APBA1: variants seen among roughly 807,000 people sequenced by gnomAD.
APBA1 encodes amyloid beta precursor protein binding family A member 1, also known as amyloid-beta A4 precursor protein-binding family A member 1.
APBA1 carries 55 observed loss-of-function variants against 86.6 expected under a neutral mutation model. The ratio of observed to expected loss-of-function variants is 0.64; its 90% CI spans 0.51 to 0.80. The LOEUF (loss-of-function observed/expected upper bound fraction) is 0.80, where lower values mean the gene tolerates loss of function less well. APBA1 is among the 30% of genes least tolerant of loss of function. The probability of loss-of-function intolerance (pLI) is 0.00; values close to 1 mark genes in which losing one functional copy is unlikely to be tolerated. For missense variants in APBA1, 1,090 were observed against 1,183.0 expected (o/e 0.92, Z 1.15); for synonymous variants, 511 against 493.9 (o/e 1.03, Z -0.46).
rs529983737 is a variant in APBA1, at chr9:69,497,263, G to C, written c.1200+18748C>G. 2.8e-4 allele frequency among the ~76,000 whole-genome samples: 42 copies of C among 152,168 alleles called. No individual in the cohort carries two copies. In the East Asian group the frequency reaches 6.2e-3, roughly 22 times the overall value. Reference sequence around the variant, plus strand: ...GGCGGTTGAGATGGAAGCATGAAGAGGAGGATCCACATGCCTCACCCAAGG... The same window carrying C: ...GGCGGTTGAGATGGAAGCATGAAGACGAGGATCCACATGCCTCACCCAAGG... On this transcript the variant is annotated intron_variant, in intron 2 of 12. Coordinates refer to ENST00000265381, the MANE Select transcript of APBA1 (RefSeq NM_001163.4).
intron 1 of APBA1, among the ~76,000 whole-genome samples, chr9:69,535,670 C>A (rs1266698464): frequency 6.6e-6 from 1 of 152,076 alleles, no homozygotes; most frequent in African/African-American, 2.4e-5. Flanking sequence ...CTTTTCTTAT[C>A]TTTTCTCTGT....
At chr9:69,434,578 G>A (rs541125998) in intron 11 of APBA1, among the ~76,000 whole-genome samples, 23 of 152,032 alleles carry the variant, frequency 1.5e-4, no homozygotes, top group Admixed American at 9.8e-4. Context: ...GTGGTGGCAC[G>A]TGCCTGTAGT....
At chr9:69,552,290 G>A (rs1836797216) in intron 1 of APBA1, among the ~76,000 whole-genome samples, 1 of 152,212 alleles carries the variant, frequency 6.6e-6, no homozygotes, top group Non-Finnish European at 1.5e-5. Context: ...CCTCCACCTT[G>A]CTTGATTCAT....
chr9:69,461,628 C>T (rs928004709), intron 5 of APBA1: 6 of 152,156 alleles, frequency 3.9e-5, no homozygotes, highest in African/African-American at 1.4e-4. Context: ...TTATGTTATC[C>T]TCATTTTTCA....
intron 1 of APBA1, among the ~76,000 whole-genome samples, chr9:69,646,942 C>CA (rs1823401322): frequency 6.6e-6 from 1 of 152,190 alleles, no homozygotes; most frequent in South Asian, 2.1e-4. Flanking sequence ...CACAGGGGAA[C>CA]GCAGGCTGCT....
chr9:69,572,841 A>C (rs931727174), intron 1 of APBA1, among the ~76,000 whole-genome samples: 1 of 152,238 alleles, frequency 6.6e-6, no homozygotes, highest in African/African-American at 2.4e-5. Context: ...GCTTTTTGCC[A>C]TGTTACTCAT....
At chr9:69,457,192 G>A in intron 6 of APBA1, 53 bp from the exon 7 acceptor site, 1 of 1,369,084 alleles carries the variant, frequency 7.3e-7, no homozygotes, top group Admixed American at 1.7e-5. Context: ...CCCTGACCCA[G>A]ATGCAGAAGG....
intron 2 of APBA1, among the ~76,000 whole-genome samples, chr9:69,498,853 A>C (rs1179712321): frequency 6.6e-6 from 1 of 152,150 alleles, no homozygotes; most frequent in Non-Finnish European, 1.5e-5. Flanking sequence ...TGAAACACAA[A>C]GGTATCAGCA....
Position 69,427,844 on chromosome 9 carries a change from ATACTT to A in APBA1, c.*3478_*3482del, listed in dbSNP as rs1401473888. ...ACGATATTGTTACAAATACAATACTATACTTCTCCCGACACTTTACAATAAGCTCT... is the reference window on the plus strand; with the variant it reads ...ACGATATTGTTACAAATACAATACTACTCCCGACACTTTACAATAAGCTCT... On this transcript the variant is annotated 3_prime_UTR_variant, in exon 13 of 13. Transcript: ENST00000265381. The A allele has an allele frequency of 2.4e-4, 37 of 152,330 alleles. No homozygotes were observed. The highest frequency in any genetic ancestry group is 7.7e-4 in the African/African-American group (32 of 41,580). 9.4% of individuals were successfully genotyped at this position (152,330 alleles called of 1,614,324 possible). A position where few individuals can be genotyped will look rare whatever the true frequency, so the allele number is the denominator to read the frequency against.
At chr9:69,575,879 C>T (rs536412094) in intron 1 of APBA1, among the ~76,000 whole-genome samples, 1 of 152,256 alleles carries the variant, frequency 6.6e-6, no homozygotes, top group East Asian at 1.9e-4. Flanking sequence ...AACTAAAGAG[C>T]TTCTACACAG....
At chr9:69,663,873 T>A (rs1564106665) in intron 1 of APBA1, among the ~76,000 whole-genome samples, 1 of 152,202 alleles carries the variant, frequency 6.6e-6, no homozygotes, top group African/African-American at 2.4e-5. Flanking sequence ...AAAGAGAAAG[T>A]TGCCTTATGT....
intron 11 of APBA1, among the ~76,000 whole-genome samples, chr9:69,440,380 G>A (rs1350281823): frequency 6.6e-6 from 1 of 152,098 alleles, no homozygotes; most frequent in South Asian, 2.1e-4. Context: ...TGCCCCCAGA[G>A]GTGGAGCCTA....
chr9:69,596,441 C>T (rs541494397), intron 1 of APBA1, among the ~76,000 whole-genome samples: 1 of 152,248 alleles, frequency 6.6e-6, no homozygotes, highest in East Asian at 1.9e-4. Context: ...AAGACACAGG[C>T]TCATGGCGAA....
At chr9:69,556,668 T>C (rs1243639607) in intron 1 of APBA1, among the ~76,000 whole-genome samples, 2 of 152,232 alleles carry the variant, frequency 1.3e-5, no homozygotes, top group African/African-American at 4.8e-5. Flanking sequence ...TAAAATTAAC[T>C]GTGACAGGTT....
In APBA1 at chr9:69,431,267, A is replaced by G; in HGVS notation, c.*60T>C. 2 of 1,380,262 alleles carry G rather than the reference A, an allele frequency of 1.4e-6. No individual in the cohort carries two copies. Among genetic ancestry groups the G allele is most frequent in the Non-Finnish European group, 2.0e-6 (2 of 1,011,230 alleles). The allele number at this position is 1,380,262 out of a possible 1,614,324, so 85.5% of individuals were successfully genotyped here. Reference sequence around the variant, plus strand: ...GTCTCAGTGGACACAGGGATGCAGCACGAGAAACACAACCACGAAGAGGAG... The same window carrying G: ...GTCTCAGTGGACACAGGGATGCAGCGCGAGAAACACAACCACGAAGAGGAG... On this transcript the variant is annotated 3_prime_UTR_variant, in exon 13 of 13. Transcript: ENST00000265381.
chr9:69,431,873 GATAA>G (rs1834602916), intron 12 of APBA1, among the ~76,000 whole-genome samples: 1 of 152,124 alleles, frequency 6.6e-6, no homozygotes, highest in Non-Finnish European at 1.5e-5. Context: ...TGACAGCAGT[GATAA>G]ATCAATGACA....
intron 11 of APBA1, among the ~76,000 whole-genome samples, chr9:69,434,317 ATC>A (rs1466591481): frequency 6.6e-6 from 1 of 152,074 alleles, no homozygotes; most frequent in Non-Finnish European, 1.5e-5. Flanking sequence ...CTGGGTGGGA[ATC>A]TCTGCTGAAG....
At chr9:69,447,024 G>C (rs568325504) in intron 10 of APBA1, among the ~76,000 whole-genome samples, 131 of 152,256 alleles carry the variant, frequency 8.6e-4, no homozygotes, top group Admixed American at 3.0e-3. Context: ...TGAGCTCAGC[G>C]TACCAGCACT....
intron 1 of APBA1, among the ~76,000 whole-genome samples, chr9:69,534,086 T>C (rs1588346407): frequency 6.6e-6 from 1 of 152,194 alleles, no homozygotes; most frequent in Non-Finnish European, 1.5e-5. Flanking sequence ...TAATTCAAAA[T>C]ATGCAAACAA....
Sources: allele counts gnomAD v4.1 joint callset (sites outside exome capture counted in the v4.1 genomes callset), GRCh38; gene constraint gnomAD v4.1.1; transcripts MANE v1.5; gene names NCBI Gene and HGNC (gene_info 2026-07-23, HGNC 2026-07-21).